The following SUPT3H variants were observed in gnomAD, a reference collection of about 807,000 sequenced individuals.
SUPT3H encodes transcription initiation protein SPT3 homolog.
Under a neutral mutation model 44.3 loss-of-function variants are expected in SUPT3H, and 44 were observed. The ratio of observed to expected loss-of-function variants is 0.99; its 90% CI spans 0.78 to 1.28. SUPT3H has a LOEUF of 1.28. SUPT3H is among the 50% of genes most tolerant of loss of function. The pLI, the probability that SUPT3H is intolerant of heterozygous loss-of-function variation, is 0.00. For synonymous variants in SUPT3H, 124 were observed against 125.6 expected (o/e 0.99, Z 0.09); for missense variants, 380 against 387.1 (o/e 0.98, Z 0.15).
At chr6:45,236,876 C>T (rs1428918453) in intron 2 of SUPT3H, among the ~76,000 whole-genome samples, 1 of 152,174 alleles carries the variant, frequency 6.6e-6, no homozygotes, top group Admixed American at 6.5e-5. Flanking sequence ...AAGAATGTTG[C>T]TGTCTCCAGT....
chr6:45,181,329 C>A, intron 2 of SUPT3H, among the ~76,000 whole-genome samples: 1 of 151,086 alleles, frequency 6.6e-6, no homozygotes. Flanking sequence ...GGATCTAGAA[C>A]TAGGAATACC....
intron 2 of SUPT3H, among the ~76,000 whole-genome samples, chr6:45,156,433 G>A (rs1243014073): frequency 6.6e-6 from 1 of 152,000 alleles, no homozygotes; most frequent in Non-Finnish European, 1.5e-5. Context: ...CACTTCTTAC[G>A]ATAACCTTTG....
chr6:44,860,870 TG>T (rs1774537309), intron 10 of SUPT3H, among the ~76,000 whole-genome samples: 1 of 152,232 alleles, frequency 6.6e-6, no homozygotes, highest in South Asian at 2.1e-4. Flanking sequence ...TTATTCTACT[TG>T]GGTGATATAT....
At chr6:45,099,686 G>C (rs1483831582) in intron 3 of SUPT3H, among the ~76,000 whole-genome samples, 4 of 152,070 alleles carry the variant, frequency 2.6e-5, no homozygotes, top group Non-Finnish European at 5.9e-5. Context: ...GCTATAACCA[G>C]AGCTATACCA....
intron 3 of SUPT3H, among the ~76,000 whole-genome samples, chr6:45,086,047 G>C (rs1796431736): frequency 6.6e-6 from 1 of 151,976 alleles, no homozygotes; most frequent in Admixed American, 6.6e-5. Context: ...AAGGTTGCAG[G>C]AGTTCTATCA....
intron 2 of SUPT3H, among the ~76,000 whole-genome samples, chr6:45,158,298 A>ATATATATTTTTTT: frequency 1.0e-4 from 10 of 99,688 alleles, no homozygotes; most frequent in African/African-American, 4.5e-4. Context: ...ATATATATAT[A>ATATATATTTTTTT]TTTTTTTTTT....
intron 10 of SUPT3H, among the ~76,000 whole-genome samples, chr6:44,853,455 TTCCAGA>T (rs1241883298): frequency 6.6e-6 from 1 of 152,090 alleles, no homozygotes; most frequent in African/African-American, 2.4e-5. Flanking sequence ...AGCCCAGAAG[TTCCAGA>T]CCAGTCTGGG....
chr6:45,272,335 C>G (rs1041023710), intron 2 of SUPT3H, among the ~76,000 whole-genome samples: 9 of 152,086 alleles, frequency 5.9e-5, no homozygotes, highest in African/African-American at 2.2e-4. Flanking sequence ...GTGACTGAAT[C>G]ATGGGGGCAG....
intron 10 of SUPT3H, among the ~76,000 whole-genome samples, chr6:44,905,489 A>G (rs1765872172): frequency 1.3e-5 from 2 of 150,902 alleles, no homozygotes; most frequent in African/African-American, 4.9e-5. Flanking sequence ...CACACCAGTT[A>G]GAATGGCAAT....
At chr6:45,321,124 T>G (rs537385845) in intron 2 of SUPT3H, among the ~76,000 whole-genome samples, 2 of 152,258 alleles carry the variant, frequency 1.3e-5, no homozygotes, top group East Asian at 3.9e-4. Context: ...CATCTTCAAT[T>G]TATATTTGCC....
chr6:44,921,455 T>C (rs1768710813), intron 10 of SUPT3H, among the ~76,000 whole-genome samples: 1 of 152,166 alleles, frequency 6.6e-6, no homozygotes, highest in African/African-American at 2.4e-5. Flanking sequence ...ATAGACATTG[T>C]TTGCCATCAA....
chr6:45,174,897 A>C (rs1244757192), intron 2 of SUPT3H, among the ~76,000 whole-genome samples: 1 of 151,592 alleles, frequency 6.6e-6, no homozygotes, highest in Non-Finnish European at 1.5e-5. Context: ...TCACTTCTAA[A>C]CCAGGCATGG....
At chr6:44,917,700 A>C (rs1184420675) in intron 10 of SUPT3H, among the ~76,000 whole-genome samples, 23 of 152,340 alleles carry the variant, frequency 1.5e-4, no homozygotes. Context: ...GACCACAGCC[A>C]AGCAGCCTAG....
chr6:45,375,903 T>G (rs921401125), intron 1 of SUPT3H, among the ~76,000 whole-genome samples: 5 of 152,072 alleles, frequency 3.3e-5, no homozygotes, highest in Non-Finnish European at 7.4e-5. Context: ...CACTTATCTC[T>G]CCAAAAGATT....
At chr6:44,861,490 G>A (rs192656582) in intron 10 of SUPT3H, among the ~76,000 whole-genome samples, 16 of 151,998 alleles carry the variant, frequency 1.1e-4, no homozygotes, top group East Asian at 9.7e-4. Context: ...GGATTCAAGC[G>A]ATTCTCCCGC....
chr6:45,374,679 T>C (rs762749823), intron 1 of SUPT3H, among the ~76,000 whole-genome samples: 1 of 152,198 alleles, frequency 6.6e-6, no homozygotes, highest in Non-Finnish European at 1.5e-5. Context: ...TCAGTGTTAT[T>C]TCAACACAAA....
intron 2 of SUPT3H, among the ~76,000 whole-genome samples, chr6:45,158,259 T>C (rs1446962603): frequency 1.5e-5 from 2 of 132,942 alleles, no homozygotes; most frequent in Admixed American, 1.6e-4. Context: ...GCCTATATTT[T>C]ATATATATAA....
chr6:44,849,066 G>C (rs1262595635), intron 10 of SUPT3H, among the ~76,000 whole-genome samples: 4 of 152,006 alleles, frequency 2.6e-5, no homozygotes, highest in African/African-American at 4.8e-5. Context: ...ACCATACATG[G>C]GAGCAGTTTA....
At chr6:44,885,757 C>G (rs568572563) in intron 10 of SUPT3H, among the ~76,000 whole-genome samples, 1 of 152,178 alleles carries the variant, frequency 6.6e-6, no homozygotes, top group East Asian at 1.9e-4. Context: ...CGGAACAAAG[C>G]CGGACGGAGA....
Sources: allele counts gnomAD v4.1 joint callset (sites outside exome capture counted in the v4.1 genomes callset), GRCh38; gene constraint gnomAD v4.1.1; transcripts MANE v1.5; gene names NCBI Gene and HGNC (gene_info 2026-07-23, HGNC 2026-07-21).